SLC2A9: variants seen among roughly 807,000 people sequenced by gnomAD.
SLC2A9 encodes the protein solute carrier family 2, facilitated glucose transporter member 9.
SLC2A9 carries 39 observed loss-of-function variants against 50.6 expected under a neutral mutation model. That is an observed-to-expected ratio of 0.77 (90% CI 0.60 to 1.01). SLC2A9 has a LOEUF of 1.01. Ranked by LOEUF, SLC2A9 falls within the 50% of genes least tolerant of loss-of-function variation. The pLI, the probability that SLC2A9 is intolerant of heterozygous loss-of-function variation, is 0.00. For synonymous variants in SLC2A9, 324 were observed against 276.9 expected, an observed-to-expected ratio of 1.17 and a Z score of -1.69; for missense variants, 686 against 677.6, an observed-to-expected ratio of 1.01 and a Z score of -0.14.
intron 6 of SLC2A9, among the ~76,000 whole-genome samples, chr4:9,927,445 G>T (rs1244221217): frequency 6.6e-6 from 1 of 152,234 alleles, no homozygotes; most frequent in African/African-American, 2.4e-5. Context: ...TCCCTCTTGT[G>T]ATCGGGGGCC....
chr4:9,796,815 T>C (rs1292027767), downstream of SLC2A9, among the ~76,000 whole-genome samples: 2 of 152,124 alleles, frequency 1.3e-5, no homozygotes, highest in African/African-American at 4.8e-5. Flanking sequence ...AGCATATTCA[T>C]CTCATGCTGG....
chr4:9,823,084 T>C (rs151232397), downstream of SLC2A9, among the ~76,000 whole-genome samples: 297 of 152,296 alleles, frequency 2.0e-3, no homozygotes, highest in Non-Finnish European at 3.2e-3. Flanking sequence ...CTAGTTATGA[T>C]CAGTGGGAGA....
intron 10 of SLC2A9, among the ~76,000 whole-genome samples, chr4:9,859,791 A>T (rs570169696): frequency 6.6e-6 from 1 of 152,306 alleles, no homozygotes; most frequent in South Asian, 2.1e-4. Context: ...ATTAATGCTG[A>T]TATCAAAGCC....
chr4:9,952,559 G>T (rs1235401821), intron 5 of SLC2A9, among the ~76,000 whole-genome samples: 1 of 150,336 alleles, frequency 6.7e-6, no homozygotes, highest in Non-Finnish European at 1.5e-5. Flanking sequence ...TTAAAGACAG[G>T]ATCTCATTCA....
At chr4:10,028,845 C>T (rs554343709) in intron 1 of SLC2A9, among the ~76,000 whole-genome samples, 2 of 152,320 alleles carry the variant, frequency 1.3e-5, no homozygotes, top group East Asian at 3.9e-4. Flanking sequence ...CAGAACTTCC[C>T]CCACAGCATA....
At chr4:9,963,081 G>A (rs956228314) in intron 5 of SLC2A9, among the ~76,000 whole-genome samples, 9 of 152,316 alleles carry the variant, frequency 5.9e-5, no homozygotes, top group Admixed American at 2.6e-4. Flanking sequence ...AGTTTAACAT[G>A]GCTGGGAAGA....
chr4:9,944,071 C>T (rs1228813352), intron 5 of SLC2A9, among the ~76,000 whole-genome samples: 1 of 152,192 alleles, frequency 6.6e-6, no homozygotes, highest in Non-Finnish European at 1.5e-5. Context: ...TTTGGAGCTG[C>T]CACTGGGTGG....
downstream of SLC2A9, among the ~76,000 whole-genome samples, chr4:9,796,117 A>G (rs1577307488): frequency 6.6e-6 from 1 of 151,704 alleles, no homozygotes; most frequent in South Asian, 2.1e-4. Context: ...TTCTCACTGA[A>G]CCCCCTGCCT....
At chr4:9,951,376 G>A (rs550734419) in intron 5 of SLC2A9, among the ~76,000 whole-genome samples, 30 of 152,278 alleles carry the variant, frequency 2.0e-4, no homozygotes, top group African/African-American at 7.0e-4. Context: ...GCACGCTGAA[G>A]GGTATAAAAA....
At chr4:9,908,130 G>T (rs1741024828) in intron 8 of SLC2A9, 105 bp downstream of exon 8, 5 of 826,026 alleles carry the variant, frequency 6.1e-6, no homozygotes, top group East Asian at 2.4e-5. Context: ...CCTAATTGAT[G>T]AATTCTGATG....
At chr4:9,811,776 C>T (rs75406065) in intron 3 of SLC2A9, among the ~76,000 whole-genome samples, 4 of 152,088 alleles carry the variant, frequency 2.6e-5, no homozygotes, top group Non-Finnish European at 5.9e-5. Flanking sequence ...ATAACTGATA[C>T]ATTGGGAGGG....
chr4:10,001,294 C>T lies in SLC2A9; in HGVS notation c.250-4353G>A, dbSNP rs892795189. Among the ~76,000 whole-genome samples, 5 of 152,226 alleles carry T rather than the reference C, an allele frequency of 3.3e-5. No individual in the cohort carries two copies. The East Asian group carries it at 5.8e-4, about 18-fold the overall frequency. Reference sequence around the variant, plus strand: ...GTCACTAGAGTGGGCCCTAATCCAACGTGACTGGTACCCTGATAAAAAGGG... The same window carrying T: ...GTCACTAGAGTGGGCCCTAATCCAATGTGACTGGTACCCTGATAAAAAGGG... On this transcript the variant is annotated intron_variant, in intron 2 of 11. Transcript: ENST00000264784.
In SLC2A9 at chr4:9,940,281, A is replaced by G. The variant is rs187088438; in HGVS notation, c.814+1632T>C. On this transcript the variant is annotated intron_variant, in intron 6 of 11. Transcript: ENST00000264784. ...CTGCCATCTGACAACCATCTGAACCAAACTTTTAGGTGGTTTTTCTCCTCA... is the reference window on the plus strand; with the variant it reads ...CTGCCATCTGACAACCATCTGAACCGAACTTTTAGGTGGTTTTTCTCCTCA... Among the ~76,000 whole-genome samples the G allele has an allele frequency of 9.9e-5, 15 of 152,262 alleles. No individual in the cohort carries two copies. In the East Asian group the frequency reaches 2.9e-3, roughly 29 times the overall value.
chr4:9,876,592 A>AAAAC (rs138659782), intron 10 of SLC2A9, among the ~76,000 whole-genome samples: 2 of 151,978 alleles, frequency 1.3e-5, no homozygotes, highest in Admixed American at 6.5e-5. Context: ...CCCTATCTCT[A>AAAAC]AAACAAACAA....
intron 3 of SLC2A9, among the ~76,000 whole-genome samples, chr4:9,820,224 G>GA (rs1227379456): frequency 6.6e-6 from 1 of 152,124 alleles, no homozygotes; most frequent in Non-Finnish European, 1.5e-5. Flanking sequence ...AACCATTGTA[G>GA]AAAAGATAAT....
intron 2 of SLC2A9, among the ~76,000 whole-genome samples, chr4:9,999,614 T>G (rs527427000): frequency 1.3e-5 from 2 of 149,492 alleles, no homozygotes; most frequent in Non-Finnish European, 3.0e-5. Context: ...AGGGAAGGAG[T>G]GGGCTGGATG....
intron 8 of SLC2A9, among the ~76,000 whole-genome samples, chr4:9,906,671 CT>C (rs1740725924): frequency 6.6e-6 from 1 of 152,242 alleles, no homozygotes; most frequent in Admixed American, 6.5e-5. Flanking sequence ...CAAATTTGCC[CT>C]AATGAGCTGG....
chr4:9,877,164 T>G (rs1033927849), intron 10 of SLC2A9, among the ~76,000 whole-genome samples: 1 of 152,252 alleles, frequency 6.6e-6, no homozygotes, highest in African/African-American at 2.4e-5. Context: ...GCTGGGATAC[T>G]TAAGGTAATT....
chr4:9,891,305 GCCCCTT>G (rs1468161309), intron 8 of SLC2A9, among the ~76,000 whole-genome samples: 1 of 152,178 alleles, frequency 6.6e-6, no homozygotes, highest in Non-Finnish European at 1.5e-5. Context: ...TGGCCCCTGT[GCCCCTT>G]GTCCACTTGG....
Sources: allele counts gnomAD v4.1 joint callset (sites outside exome capture counted in the v4.1 genomes callset), GRCh38; gene constraint gnomAD v4.1.1; transcripts MANE v1.5; gene names NCBI Gene and HGNC (gene_info 2026-07-23, HGNC 2026-07-21).